The following SLC37A1 variants were observed in gnomAD, a reference collection of about 807,000 sequenced individuals.
The protein encoded by SLC37A1 is glucose-6-phosphate exchanger SLC37A1.
A neutral mutation model predicts 75.3 loss-of-function variants in SLC37A1; 49 were observed. The ratio of observed to expected loss-of-function variants is 0.65; its 90% CI spans 0.52 to 0.83. The LOEUF is 0.83. Among genes scored for constraint, SLC37A1 ranks in the 40% least tolerant of loss-of-function variants. The pLI is 0.00. For missense variants in SLC37A1, 566 were observed against 695.0 expected, an observed-to-expected ratio of 0.81 and a Z score of 2.09; for synonymous variants, 268 against 292.1, an observed-to-expected ratio of 0.92 and a Z score of 0.84.
At chr21:42,529,364 G>C (rs2054881349) in intron 3 of SLC37A1, among the ~76,000 whole-genome samples, 1 of 152,176 alleles carries the variant, frequency 6.6e-6, no homozygotes, top group Non-Finnish European at 1.5e-5. Context: ...GAGGTCAGCA[G>C]TTCGAGACCA....
intron 17 of SLC37A1, among the ~76,000 whole-genome samples, chr21:42,573,372 C>T (rs75855560): frequency 0.013 from 1,930 of 152,304 alleles, 20 homozygotes; most frequent in Non-Finnish European, 0.022. Context: ...TCCGCTGGGC[C>T]TCGCTCTGCT....
Position 42,542,419 on chromosome 21 carries a change from G to C in SLC37A1, c.502G>C (p.Val168Leu), listed in dbSNP as rs1455414118. 1.2e-6 allele frequency: 2 copies of C among 1,613,944 alleles called. No individual in the cohort carries two copies. Among genetic ancestry groups the C allele is most frequent in the Admixed American group, 1.7e-5 (1 of 60,026 alleles). ...YVVTQVINGL[V>L]QTTGWPSVVT... ...TCTCCTGCAGGTCATCAACGGGCTG[G>C]TGCAGACCACCGGCTGGCCCAGCGT... is the stretch of plus-strand genomic sequence containing the variant. Residue 168 changes from valine to leucine, a missense_variant, in exon 7 of 20, where the codon GTG becomes CTG. Coordinates refer to ENST00000352133, the MANE Select transcript of SLC37A1 (RefSeq NM_001320537.2).
chr21:42,529,583 A>T (rs1328970685), intron 3 of SLC37A1, among the ~76,000 whole-genome samples: 1 of 152,228 alleles, frequency 6.6e-6, no homozygotes, highest in African/African-American at 2.4e-5. Flanking sequence ...AAATGGATTA[A>T]AGACATGAAT....
intron 19 of SLC37A1, 118 bp from the exon 20 acceptor site, chr21:42,580,227 C>A: frequency 1.7e-6 from 2 of 1,189,298 alleles, no homozygotes; most frequent in Non-Finnish European, 2.5e-6. Flanking sequence ...GGAATCCCTG[C>A]TGGGCCGGGA....
In SLC37A1 at chr21:42,574,922, C is replaced by T. The variant is rs186824866; in HGVS notation, c.1521+7C>T. ...AGATGCCTGTGCCTTACTGGTAAGT[C>T]GGCCTATTTTTAGTCCAATCCACCT... On this transcript the variant is annotated splice_region_variant and intron_variant, in intron 18 of 19. Transcript: ENST00000352133. 1.5e-5 allele frequency: 24 copies of T among 1,613,940 alleles called. No individual in the cohort carries two copies. The highest frequency in any genetic ancestry group is 2.2e-5 in the East Asian group (1 of 44,878).
chr21:42,511,820 G>C (rs2054435830), upstream of SLC37A1, among the ~76,000 whole-genome samples: 1 of 151,954 alleles, frequency 6.6e-6, no homozygotes, highest in Admixed American at 6.6e-5. Flanking sequence ...AAACAAAAAA[G>C]AAAAATATGC....
At chr21:42,543,185 TTTC>T (rs906156045) in intron 7 of SLC37A1, among the ~76,000 whole-genome samples, 1 of 152,360 alleles carries the variant, frequency 6.6e-6, no homozygotes, top group East Asian at 1.9e-4. Flanking sequence ...GAAAGGCCTC[TTTC>T]TTCTTCTTGA....
At chr21:42,529,024 G>A (rs1181393720) in intron 3 of SLC37A1, among the ~76,000 whole-genome samples, 2 of 152,028 alleles carry the variant, frequency 1.3e-5, no homozygotes, top group Admixed American at 6.6e-5. Flanking sequence ...CTTAAAGTTT[G>A]TATGAAAGAA....
chr21:42,536,939 C>G (rs773900953), intron 5 of SLC37A1, among the ~76,000 whole-genome samples: 21 of 152,200 alleles, frequency 1.4e-4, no homozygotes, highest in Non-Finnish European at 2.8e-4. Flanking sequence ...CATAGTCACA[C>G]CACAGCCAGA....
chr21:42,566,006 G>GT, intron 15 of SLC37A1, 131 bp downstream of exon 15: 1 of 817,768 alleles, frequency 1.2e-6, no homozygotes, highest in Middle Eastern at 2.3e-4. Context: ...GGCTAAAATT[G>GT]TCCGTGTCCT....
chr21:42,531,831 G>A (rs1266228460), intron 3 of SLC37A1, among the ~76,000 whole-genome samples: 1 of 152,208 alleles, frequency 6.6e-6, no homozygotes, highest in Non-Finnish European at 1.5e-5. Context: ...AGAACTCTTT[G>A]TGCTGGAGTA....
At chr21:42,517,226 T>A (rs982000544) in intron 1 of SLC37A1, among the ~76,000 whole-genome samples, 2 of 152,204 alleles carry the variant, frequency 1.3e-5, no homozygotes, top group African/African-American at 4.8e-5. Flanking sequence ...GATGCTATCA[T>A]CCCCATTGTT....
chr21:42,525,676 A>C, intron 2 of SLC37A1, 100 bp from the exon 3 acceptor site: 1 of 788,270 alleles, frequency 1.3e-6, no homozygotes, highest in Non-Finnish European at 2.2e-6. Context: ...AACTGAATGA[A>C]TAATACACAG....
chr21:42,500,065 A>T (rs192831559), intron 1 of SLC37A1, among the ~76,000 whole-genome samples: 1 of 152,278 alleles, frequency 6.6e-6, no homozygotes. Context: ...CAGTGTGGAG[A>T]AAAGGCCTTA....
intron 9 of SLC37A1, among the ~76,000 whole-genome samples, chr21:42,553,522 C>T (rs1430697545): frequency 6.6e-6 from 1 of 152,206 alleles, no homozygotes; most frequent in Non-Finnish European, 1.5e-5. Context: ...CATTTCTTCA[C>T]TTTTCACTTG....
intron 9 of SLC37A1, among the ~76,000 whole-genome samples, chr21:42,551,498 G>T (rs759570762): frequency 1.3e-5 from 2 of 152,206 alleles, no homozygotes; most frequent in Non-Finnish European, 2.9e-5. Context: ...CTTTTTGGAG[G>T]TGATGAAAAT....
chr21:42,569,428 C>T (rs565571155), intron 17 of SLC37A1, among the ~76,000 whole-genome samples: 5 of 152,346 alleles, frequency 3.3e-5, no homozygotes, highest in African/African-American at 9.6e-5. Context: ...GGCTGGCCCC[C>T]GTGCGGGCTC....
intron 18 of SLC37A1, chr21:42,575,577 G>A: frequency 1.0e-6 from 1 of 985,172 alleles, no homozygotes; most frequent in Non-Finnish European, 1.2e-6. Flanking sequence ...CAGTCACATA[G>A]ATGTGCAGCT....
At chr21:42,507,609 A>G (rs948318962) in intron 2 of SLC37A1, among the ~76,000 whole-genome samples, 1 of 152,230 alleles carries the variant, frequency 6.6e-6, no homozygotes, top group African/African-American at 2.4e-5. Flanking sequence ...TATTTAGTTC[A>G]TGGTTCTGCA....
Sources: allele counts gnomAD v4.1 joint callset (sites outside exome capture counted in the v4.1 genomes callset), GRCh38; gene constraint gnomAD v4.1.1; transcripts MANE v1.5; gene names NCBI Gene and HGNC (gene_info 2026-07-23, HGNC 2026-07-21).